The following CACYBP variants were observed in gnomAD, a reference collection of about 807,000 sequenced individuals.
The protein encoded by CACYBP is calcyclin-binding protein.
Under a neutral mutation model 29.6 loss-of-function variants are expected in CACYBP, and 11 were observed. The ratio of observed to expected loss-of-function variants is 0.37; its 90% CI spans 0.23 to 0.61. CACYBP has a LOEUF of 0.61. Ranked by LOEUF, CACYBP falls within the 20% of genes least tolerant of loss-of-function variation. CACYBP has a pLI of 0.65. For missense variants in CACYBP, 163 were observed against 260.7 expected (o/e 0.63, Z 2.58); for synonymous variants, 73 against 88.3 (o/e 0.83, Z 0.97).
intron 2 of CACYBP, among the ~76,000 whole-genome samples, chr1:175,005,248 C>T (rs973389158): frequency 2.6e-5 from 4 of 152,130 alleles, no homozygotes; most frequent in South Asian, 2.1e-4. Context: ...CTTTGACTTA[C>T]GGATACACAA....
At chr1:175,000,302 G>A in intron 1 of CACYBP, 107 bp downstream of exon 1, 2 of 1,510,994 alleles carry the variant, frequency 1.3e-6, no homozygotes, top group Admixed American at 2.1e-5. Flanking sequence ...CGGCCACCCG[G>A]TCCCGCGCCA....
In CACYBP at chr1:175,011,181, T is replaced by TTAA. The variant is rs1026128827; in HGVS notation, c.*1105_*1107dup. On this transcript the variant is annotated 3_prime_UTR_variant, in exon 6 of 6. Coordinates refer to ENST00000367679, the MANE Select transcript of CACYBP (RefSeq NM_014412.3). ...AGGGTAAACTAAACTAAAGCTACAA[T>TTAA]TAATATGGGAATTTGGAAGAAGTGG... is the stretch of plus-strand genomic sequence containing the variant. The TTAA allele has an allele frequency of 1.4e-5, 2 of 146,464 alleles. No homozygotes were observed. The highest frequency in any genetic ancestry group is 5.1e-5 in the African/African-American group (2 of 39,580). The allele number at this position is 146,464 out of a possible 1,614,324, so 9.1% of individuals were successfully genotyped here.
At chr1:175,000,806 T>G (rs1475710466) in intron 1 of CACYBP, among the ~76,000 whole-genome samples, 3 of 152,234 alleles carry the variant, frequency 2.0e-5, no homozygotes, top group Non-Finnish European at 4.4e-5. Flanking sequence ...AATAAATAAC[T>G]TGGAAAGTTA....
chr1:174,999,565 C>T (rs1384160238), upstream of CACYBP: 3 of 159,746 alleles, frequency 1.9e-5, no homozygotes, highest in Non-Finnish European at 4.1e-5. Flanking sequence ...CCATTTTTCG[C>T]CTTCTTCTCG....
chr1:175,000,517 T>G lies in CACYBP; in HGVS notation c.15+322T>G, dbSNP rs1672447697. 10 of 1,262,366 alleles carry G rather than the reference T, an allele frequency of 7.9e-6. No homozygotes were observed. The South Asian group carries it at 1.9e-4, about 24-fold the overall frequency. The allele number at this position is 1,262,366 out of a possible 1,614,324, so 78.2% of individuals were successfully genotyped here. ...TCCTCAGGCCCTTTCTGCCCTGGTT[T>G]CCCAGCCAGTGGACAGGAAGCTTCA... On this transcript the variant is annotated intron_variant, in intron 1 of 5. Transcript: ENST00000367679.
intron 5 of CACYBP, 47 bp from the exon 6 acceptor site, chr1:175,009,876 T>G: frequency 6.7e-7 from 1 of 1,496,444 alleles, no homozygotes; most frequent in Non-Finnish European, 9.1e-7. Flanking sequence ...GATAGTATCT[T>G]CCGGTGCTTT....
At position 175,010,122 on chromosome 1, in the gene CACYBP, A is replaced by G. The variant is rs763118675; in HGVS notation, c.*43A>G. On this transcript the variant is annotated 3_prime_UTR_variant, in exon 6 of 6. Coordinates refer to ENST00000367679, the MANE Select transcript of CACYBP (RefSeq NM_014412.3). The stretch of plus-strand genomic sequence containing the variant: ...GGGAACTGTGATGTGATGTGGAAAT[A>G]CTGATGTTTCCAGTAAGGGAATATT... 45 of 1,546,472 alleles carry G rather than the reference A, an allele frequency of 2.9e-5. No individual in the cohort carries two copies. The Admixed American group carries it at 8.0e-4, about 28-fold the overall frequency.
intron 1 of CACYBP, chr1:175,000,589 G>C: frequency 9.0e-7 from 1 of 1,110,446 alleles, no homozygotes; most frequent in Admixed American, 5.2e-5. Context: ...TTGGTAGAGG[G>C]CGGTTGGAAG....
chr1:175,000,251 C>T, intron 1 of CACYBP, 56 bp downstream of exon 1: 1 of 1,557,834 alleles, frequency 6.4e-7, no homozygotes, highest in East Asian at 2.5e-5. Flanking sequence ...GCAGCGCCAG[C>T]CTCCCGCCCT....
At chr1:174,999,897 G>A, upstream of CACYBP, 1 of 521,530 alleles carries the variant, frequency 1.9e-6, no homozygotes, top group Non-Finnish European at 3.4e-6. Context: ...GGGCGGGGAG[G>A]GGTGGGGCTA....
At chr1:175,009,189 C>T (rs1211281613) in intron 5 of CACYBP, among the ~76,000 whole-genome samples, 2 of 152,116 alleles carry the variant, frequency 1.3e-5, no homozygotes, top group Non-Finnish European at 2.9e-5. Flanking sequence ...GTATCTCAGG[C>T]TTAAGAGGAG....
rs1344281852 is a variant in CACYBP, at chr1:175,000,171, C to T, written c.-10C>T. ...GCTGCAGCTCGGGACTTCGGCCTGA[C>T]CCAGCCCCCATGGCTTCAGAAGAGG... is the stretch of plus-strand genomic sequence containing the variant. On this transcript the variant is annotated 5_prime_UTR_variant, in exon 1 of 6. Coordinates refer to ENST00000367679, the MANE Select transcript of CACYBP (RefSeq NM_014412.3). 6 of 1,607,298 alleles carry T rather than the reference C, an allele frequency of 3.7e-6. No individual in the cohort carries two copies. The highest frequency in any genetic ancestry group is 5.1e-6 in the Non-Finnish European group (6 of 1,176,954).
Position 175,000,184 on chromosome 1 carries a change from G to A in CACYBP, c.4G>A (p.Ala2Thr). 6.2e-7 allele frequency: 1 copy of A among 1,608,674 alleles called. No individual in the cohort carries two copies. Among genetic ancestry groups the A allele is most frequent in the Non-Finnish European group, 8.5e-7 (1 of 1,177,554 alleles). The change falls in exon 1 of 6, where the codon GCT becomes ACT. Residue 2 changes from alanine (A) to threonine (T), a missense_variant. Physicochemically the swap from Ala to Thr is moderately conservative, Grantham distance 58. Coordinates refer to ENST00000367679, the MANE Select transcript of CACYBP (RefSeq NM_014412.3). ...ACTTCGGCCTGACCCAGCCCCCATG[G>A]CTTCAGAAGAGGTAAGTGGTCCGGC... M[A>T]SEELQKDLEE...
In CACYBP at chr1:175,007,097, G is replaced by C; in HGVS notation, c.333-1G>C. 6.4e-7 allele frequency: 1 copy of C among 1,573,700 alleles called. No homozygotes were observed. Among genetic ancestry groups the C allele is most frequent in the Non-Finnish European group, 8.7e-7 (1 of 1,144,922 alleles). ...ATGATGTATTCACCATTGTGTTGCA[G>C]GTCATTTGATCTTTTGGTAAAGAAT... On this transcript the variant is annotated splice_acceptor_variant, in intron 3 of 5. Transcript: ENST00000367679. LOFTEE classifies it high-confidence loss of function.
intron 2 of CACYBP, chr1:175,005,101 TTGG>T (rs199946453): frequency 4.6e-4 from 193 of 422,698 alleles, no homozygotes; most frequent in East Asian, 7.0e-4. Flanking sequence ...AGACACAGCT[TTGG>T]TGGTGGTGGT....
At chr1:175,002,957 G>GAATC (rs1672527961) in intron 1 of CACYBP, among the ~76,000 whole-genome samples, 1 of 152,062 alleles carries the variant, frequency 6.6e-6, no homozygotes, top group South Asian at 2.1e-4. Flanking sequence ...AGGAGTTGTA[G>GAATC]AATCAGCGTT....
chr1:175,008,524 C>A, intron 4 of CACYBP, 85 bp from the exon 5 acceptor site: 2 of 746,398 alleles, frequency 2.7e-6, no homozygotes, highest in Non-Finnish European at 4.7e-6. Context: ...GGGACTTGAT[C>A]AATTGAATAG....
At chr1:175,006,904 C>G in intron 3 of CACYBP, 63 bp downstream of exon 3, 1 of 973,276 alleles carries the variant, frequency 1.0e-6, no homozygotes, top group Non-Finnish European at 1.6e-6. Context: ...TATCTTGAGA[C>G]TCTCTTCTTT....
chr1:175,002,286 G>C (rs1450751246), intron 1 of CACYBP, among the ~76,000 whole-genome samples: 1 of 152,062 alleles, frequency 6.6e-6, no homozygotes, highest in Non-Finnish European at 1.5e-5. Flanking sequence ...TTATTTTCTG[G>C]GGTGTTTTAT....
Sources: gnomAD v4.1 joint callset for allele counts (sites outside exome capture counted in the v4.1 genomes callset) on GRCh38, gnomAD v4.1.1 for gene constraint, MANE v1.5 for transcripts, NCBI Gene and HGNC (gene_info 2026-07-23, HGNC 2026-07-21) for gene names.